The following PDK3 variants were observed in gnomAD, a reference collection of about 807,000 sequenced individuals.
PDK3 encodes the protein pyruvate dehydrogenase kinase, isozyme 3.
In PDK3, 12 loss-of-function variants were observed where a neutral mutation model predicts 32.0. The observed-to-expected ratio is 0.37, with a 90% confidence interval of 0.24 to 0.61. The LOEUF (loss-of-function observed/expected upper bound fraction) is 0.61. Ranked by LOEUF, PDK3 falls within the 20% of genes least tolerant of loss-of-function variation. PDK3 has a pLI of 0.65. For missense variants in PDK3, 188 were observed against 316.9 expected (o/e 0.59, Z 3.09); for synonymous variants, 122 against 116.3 (o/e 1.05, Z -0.31).
At chrX:24,488,004 CAAAAAAAAAAAAAAAA>C (rs34710130) in intron 1 of PDK3, among the ~76,000 whole-genome samples, 1 of 27,476 alleles carries the variant, frequency 3.6e-5, no homozygotes, top group Non-Finnish European at 6.5e-5. Flanking sequence ...AACTCCATCT[CAAAAAAAAAAAAAAAA>C]AAAAAAAAAA....
downstream of PDK3, among the ~76,000 whole-genome samples, chrX:24,535,712 C>T (rs767633780): frequency 3.7e-5 from 4 of 109,278 alleles, no homozygotes; most frequent in South Asian, 1.6e-3. Flanking sequence ...TTACAACCTG[C>T]TTTTGTTTCA....
chrX:24,510,431 C>T (rs1048076403), intron 5 of PDK3, among the ~76,000 whole-genome samples: 25 of 111,619 alleles, frequency 2.2e-4, no homozygotes, highest in Non-Finnish European at 2.6e-4. Flanking sequence ...AAGTGCTCAT[C>T]GAAGAAAGTT....
chrX:24,539,654 G>A (rs973216985), exon 12 of PDK3: 3 of 112,474 alleles, frequency 2.7e-5, no homozygotes, highest in East Asian at 5.6e-4. Flanking sequence ...AGAGCCCTCC[G>A]TCTCTCCCGT....
chrX:24,494,964 G>A (rs1346743202), intron 2 of PDK3, 81 bp downstream of exon 2: 2 of 823,574 alleles, frequency 2.4e-6, no homozygotes, highest in Non-Finnish European at 3.5e-6. Flanking sequence ...CTGTAAAAGT[G>A]CACATACTGC....
chrX:24,544,947 A>G (rs1238182351), exon 12 of PDK3, among the ~76,000 whole-genome samples: 1 of 112,494 alleles, frequency 8.9e-6, no homozygotes, highest in Non-Finnish European at 1.9e-5. Context: ...CTTAATCAAT[A>G]CGGGATTTTT....
rs367874893 is a variant in PDK3, at chrX:24,505,156, C to T, written c.506-53C>T. 311 of 883,531 alleles carry T rather than the reference C, an allele frequency of 3.5e-4. No homozygotes were observed. In the African/African-American group the frequency reaches 5.1e-3, roughly 14 times the overall value. The allele number at this position is 883,531 out of a possible 1,213,427, so 72.8% of individuals were successfully genotyped here. On this transcript the variant is annotated intron_variant, in intron 4 of 10. Coordinates refer to ENST00000379162, the MANE Select transcript of PDK3 (RefSeq NM_005391.5). ...AAGCCCCTATATTTCCCTGTGTGAC[C>T]ATCCCAGCCTGCTGTGTTTTAATCC...
chrX:24,489,502 T>C (rs1921493041), intron 1 of PDK3, among the ~76,000 whole-genome samples: 1 of 109,658 alleles, frequency 9.1e-6, no homozygotes, highest in Admixed American at 9.8e-5. Context: ...TAGTCCAACA[T>C]GGTGAAACCT....
At chrX:24,470,047 G>A (rs978996939) in intron 1 of PDK3, among the ~76,000 whole-genome samples, 1 of 111,673 alleles carries the variant, frequency 9.0e-6, no homozygotes, top group African/African-American at 3.3e-5. Flanking sequence ...GAAGTAGAGA[G>A]AATAGAATGA....
At chrX:24,530,844 T>C (rs1025534921) in intron 9 of PDK3, among the ~76,000 whole-genome samples, 1 of 112,006 alleles carries the variant, frequency 8.9e-6, no homozygotes, top group African/African-American at 3.2e-5. Context: ...TACCAAAATA[T>C]TCTCACATTC....
intron 1 of PDK3, among the ~76,000 whole-genome samples, chrX:24,468,127 A>T (rs1339352946): frequency 8.9e-6 from 1 of 111,911 alleles, no homozygotes; most frequent in East Asian, 2.8e-4. Flanking sequence ...ATTTGTTACA[A>T]CCTTGATAAA....
chrX:24,467,023 G>A (rs1338890759), intron 1 of PDK3, among the ~76,000 whole-genome samples: 1 of 112,180 alleles, frequency 8.9e-6, no homozygotes, highest in East Asian at 2.8e-4. Flanking sequence ...CAAAGTTTAA[G>A]TGATAGCTCC....
intron 5 of PDK3, among the ~76,000 whole-genome samples, chrX:24,513,086 A>T (rs1922165214): frequency 8.9e-6 from 1 of 112,039 alleles, no homozygotes; most frequent in African/African-American, 3.2e-5. Flanking sequence ...TTCCCAAAAG[A>T]TGAATTTAAT....
At position 24,492,741 on chromosome X, in the gene PDK3, C is replaced by T. The variant is rs189573814; in HGVS notation, c.107-2001C>T. Among the ~76,000 whole-genome samples the T allele has an allele frequency of 3.5e-3, 390 of 111,381 alleles. 1 individual carries two copies. The highest frequency in any genetic ancestry group is 0.012 in the African/African-American group (365 of 30,686). ...AGCTGGCTGGGCGCGGTGGCTCATG[C>T]CTGTAATCCCAGCACTTTGGGAGGC... On this transcript the variant is annotated intron_variant, in intron 1 of 10. Transcript: ENST00000379162.
At chrX:24,481,363 C>T (rs1394218354) in intron 1 of PDK3, among the ~76,000 whole-genome samples, 1 of 112,234 alleles carries the variant, frequency 8.9e-6, no homozygotes, top group Non-Finnish European at 1.9e-5. Context: ...TTTTCCTTGG[C>T]TGTTTACTCC....
At chrX:24,540,889 CTTTTTTTTTTTTTTTTTTTT>C (rs369307335) in exon 12 of PDK3, among the ~76,000 whole-genome samples, 17 of 36,675 alleles carry the variant, frequency 4.6e-4, no homozygotes, top group Non-Finnish European at 6.5e-4. Context: ...CCCTAGCTTC[CTTTTTTTTTTTTTTTTTTTT>C]TTTTTTTTTT....
At chrX:24,511,825 G>A (rs1204336473) in intron 5 of PDK3, among the ~76,000 whole-genome samples, 1 of 103,400 alleles carries the variant, frequency 9.7e-6, no homozygotes, top group Non-Finnish European at 2.0e-5. Flanking sequence ...TCCAGCCTGG[G>A]CAACAAGAGT....
At chrX:24,467,026 A>G (rs759586346) in intron 1 of PDK3, among the ~76,000 whole-genome samples, 7 of 112,214 alleles carry the variant, frequency 6.2e-5, no homozygotes, top group Non-Finnish European at 1.3e-4. Flanking sequence ...AGTTTAAGTG[A>G]TAGCTCCAAT....
chrX:24,515,693 G>A (rs758557778), intron 5 of PDK3, among the ~76,000 whole-genome samples: 6 of 112,073 alleles, frequency 5.4e-5, no homozygotes, highest in African/African-American at 1.6e-4. Flanking sequence ...CAAGAGGAGT[G>A]AGTCTTGATT....
intron 1 of PDK3, among the ~76,000 whole-genome samples, chrX:24,484,845 CCT>C (rs56683164): frequency 0.014 from 1,412 of 104,359 alleles, 25 homozygotes; most frequent in African/African-American, 0.045. Flanking sequence ...CATCCCTATT[CCT>C]CTCTCTCTCT....
Sources: gnomAD v4.1 joint callset for allele counts (sites outside exome capture counted in the v4.1 genomes callset) on GRCh38, gnomAD v4.1.1 for gene constraint, MANE v1.5 for transcripts, NCBI Gene and HGNC (gene_info 2026-07-23, HGNC 2026-07-21) for gene names.